The following PTPRD variants were observed in gnomAD, a reference collection of about 807,000 sequenced individuals.
PTPRD encodes receptor-type tyrosine-protein phosphatase delta.
PTPRD carries 34 observed loss-of-function variants against 214.5 expected under a neutral mutation model. That is an observed-to-expected ratio of 0.16 (90% CI 0.12 to 0.21). The LOEUF (loss-of-function observed/expected upper bound fraction) is 0.21. Among genes scored for constraint, PTPRD ranks in the 10% least tolerant of loss-of-function variants. PTPRD has a pLI of 1.00. For synonymous variants in PTPRD, 1,128 were observed against 845.7 expected (o/e 1.33, Z -5.79); for missense variants, 2,545 against 2,398.7 (o/e 1.06, Z -1.27).
At chr9:8,657,261 G>C (rs552843291) in intron 12 of PTPRD, among the ~76,000 whole-genome samples, 1 of 148,568 alleles carries the variant, frequency 6.7e-6, no homozygotes, top group African/African-American at 2.5e-5. Flanking sequence ...TCTGCCTCCC[G>C]GGTTCAAGTG....
chr9:10,297,804 G>A (rs2095727984), intron 3 of PTPRD, among the ~76,000 whole-genome samples: 1 of 152,080 alleles, frequency 6.6e-6, no homozygotes, highest in Non-Finnish European at 1.5e-5. Context: ...GGTACAGTAA[G>A]TATCTGCTTG....
intron 4 of PTPRD, among the ~76,000 whole-genome samples, chr9:9,977,543 A>C (rs2095401654): frequency 6.6e-6 from 1 of 152,166 alleles, no homozygotes; most frequent in South Asian, 2.1e-4. Context: ...CAAGGAGGTA[A>C]GTGATTTTTA....
At chr9:9,373,829 G>T (rs928395612) in intron 9 of PTPRD, among the ~76,000 whole-genome samples, 4 of 151,992 alleles carry the variant, frequency 2.6e-5, no homozygotes, top group African/African-American at 4.8e-5. Context: ...ACTTTTTTCA[G>T]CCCAGCCCAG....
chr9:10,090,764 T>C (rs1430726648), intron 3 of PTPRD, among the ~76,000 whole-genome samples: 1 of 147,328 alleles, frequency 6.8e-6, no homozygotes, highest in Admixed American at 7.0e-5. Context: ...AGAAATAGAA[T>C]AGCATATTAC....
intron 2 of PTPRD, among the ~76,000 whole-genome samples, chr9:10,495,887 A>T (rs2041893202): frequency 6.6e-6 from 1 of 151,800 alleles, no homozygotes; most frequent in East Asian, 1.9e-4. Context: ...TGGGAGGAAT[A>T]AATTGTATTT....
intron 11 of PTPRD, among the ~76,000 whole-genome samples, chr9:8,875,979 C>T (rs565922494): frequency 6.6e-6 from 1 of 152,138 alleles, no homozygotes; most frequent in Non-Finnish European, 1.5e-5. Context: ...ATCCTGTAGC[C>T]CTATGCCTGG....
chr9:10,280,766 C>A (rs140970525), intron 3 of PTPRD, among the ~76,000 whole-genome samples: 230 of 143,536 alleles, frequency 1.6e-3, no homozygotes, highest in African/African-American at 5.8e-3. Flanking sequence ...TGCACCACAA[C>A]ACATGGCAAT....
chr9:9,393,794 A>C (rs1257655251), intron 9 of PTPRD, among the ~76,000 whole-genome samples: 1 of 152,192 alleles, frequency 6.6e-6, no homozygotes, highest in Non-Finnish European at 1.5e-5. Flanking sequence ...AATACTGAAT[A>C]TAAATAATTT....
intron 35 of PTPRD, among the ~76,000 whole-genome samples, chr9:8,424,509 T>C (rs371233833): frequency 6.6e-6 from 1 of 152,206 alleles, no homozygotes; most frequent in African/African-American, 2.4e-5. Flanking sequence ...GAAGAATGTC[T>C]GGCACATGGT....
In PTPRD at chr9:9,503,785, G is replaced by C. The variant is rs1000539477; in HGVS notation, c.-237+70947C>G. ...CACACATGCCTATGATTTTACAAAG[G>C]CTCTCTGAAGCATTCTTGGGCATGT... On this transcript the variant is annotated intron_variant, in intron 8 of 45. Transcript: ENST00000381196. 6.6e-5 allele frequency among the ~76,000 whole-genome samples: 10 copies of C among 151,566 alleles called. No individual in the cohort carries two copies. The East Asian group carries it at 1.9e-3, about 29-fold the overall frequency.
chr9:10,422,189 G>C (rs909654863), intron 2 of PTPRD, among the ~76,000 whole-genome samples: 1 of 151,976 alleles, frequency 6.6e-6, no homozygotes, highest in Non-Finnish European at 1.5e-5. Flanking sequence ...TGACAAACCT[G>C]ACAAAAACAA....
At chr9:8,550,897 T>C (rs564356300) in intron 14 of PTPRD, among the ~76,000 whole-genome samples, 7 of 152,310 alleles carry the variant, frequency 4.6e-5, no homozygotes, top group African/African-American at 1.7e-4. Flanking sequence ...ATGAAAAGAA[T>C]ATTCTCTCCA....
At chr9:9,998,853 A>G (rs1001838011) in intron 4 of PTPRD, among the ~76,000 whole-genome samples, 2 of 152,170 alleles carry the variant, frequency 1.3e-5, no homozygotes, top group Non-Finnish European at 2.9e-5. Flanking sequence ...CTCCATGCTC[A>G]TGCTGCCATT....
intron 6 of PTPRD, among the ~76,000 whole-genome samples, chr9:9,766,278 A>C (rs1440211138): frequency 6.6e-6 from 1 of 152,136 alleles, no homozygotes; most frequent in Non-Finnish European, 1.5e-5. Context: ...ATTGTGTATT[A>C]ACCTTGAACT....
At chr9:10,195,535 C>A (rs1184082316) in intron 3 of PTPRD, among the ~76,000 whole-genome samples, 1 of 152,072 alleles carries the variant, frequency 6.6e-6, no homozygotes, top group African/African-American at 2.4e-5. Context: ...GACCACCTAC[C>A]CAGATATTTA....
intron 3 of PTPRD, among the ~76,000 whole-genome samples, chr9:10,104,054 T>A (rs10958886): frequency 1.1e-4 from 16 of 151,524 alleles, no homozygotes; most frequent in Non-Finnish European, 1.2e-4. Flanking sequence ...TTAAGTGAAA[T>A]AAGCCAGTCA....
chr9:10,064,989 T>A (rs1386796549), intron 3 of PTPRD, among the ~76,000 whole-genome samples: 1 of 151,920 alleles, frequency 6.6e-6, no homozygotes, highest in Non-Finnish European at 1.5e-5. Context: ...GTGATTTGAA[T>A]TTTAACATTT....
intron 10 of PTPRD, among the ~76,000 whole-genome samples, chr9:9,179,562 C>T (rs966789381): frequency 1.3e-5 from 2 of 152,090 alleles, no homozygotes; most frequent in African/African-American, 4.8e-5. Flanking sequence ...CTAACATTCT[C>T]AATCAGCCAT....
intron 14 of PTPRD, among the ~76,000 whole-genome samples, chr9:8,557,051 G>C (rs2084039446): frequency 6.6e-6 from 1 of 152,144 alleles, no homozygotes. Flanking sequence ...GAAGTGGTTT[G>C]TGGTATACAG....
Sources: gnomAD v4.1 joint callset for allele counts (sites outside exome capture counted in the v4.1 genomes callset) on GRCh38, gnomAD v4.1.1 for gene constraint, MANE v1.5 for transcripts, NCBI Gene and HGNC (gene_info 2026-07-23, HGNC 2026-07-21) for gene names.